SHISA9: variants seen among roughly 807,000 people sequenced by gnomAD.
SHISA9 encodes the protein protein shisa-9.
SHISA9 carries 13 observed loss-of-function variants against 38.0 expected under a neutral mutation model. The ratio of observed to expected loss-of-function variants is 0.34; its 90% CI spans 0.22 to 0.54. The LOEUF (loss-of-function observed/expected upper bound fraction) is 0.54. Among genes scored for constraint, SHISA9 ranks in the 20% least tolerant of loss-of-function variants. The probability of loss-of-function intolerance (pLI) is 0.91; values close to 1 mark genes in which losing one functional copy is unlikely to be tolerated. For synonymous variants in SHISA9, 275 were observed against 242.0 expected (o/e 1.14, Z -1.27); for missense variants, 538 against 575.8 (o/e 0.93, Z 0.67).
the SHISA9 span, among the ~76,000 whole-genome samples, chr16:13,549,174 A>G: frequency 5.8e-4 from 88 of 152,320 alleles, no homozygotes; most frequent in East Asian, 0.012. Flanking sequence ...CTGATCTCAT[A>G]TAAGTAGAAA....
At chr16:13,190,955 A>C (rs543951242) in intron 2 of SHISA9, among the ~76,000 whole-genome samples, 1 of 152,018 alleles carries the variant, frequency 6.6e-6, no homozygotes, top group Non-Finnish European at 1.5e-5. Flanking sequence ...TCTGCCACCA[A>C]GATTCAAAAA....
the SHISA9 span, among the ~76,000 whole-genome samples, chr16:13,407,013 A>G: frequency 3.7e-5 from 5 of 134,876 alleles, no homozygotes; most frequent in Non-Finnish European, 6.2e-5. Context: ...GGTTGCAGTG[A>G]GCTGAGATCG....
chr16:13,506,438 T>C, the SHISA9 span, among the ~76,000 whole-genome samples: 1 of 151,884 alleles, frequency 6.6e-6, no homozygotes, highest in African/African-American at 2.4e-5. Context: ...GCAGTAGAAA[T>C]TGAAGAAAAG....
At chr16:13,265,413 TC>T in the SHISA9 span, among the ~76,000 whole-genome samples, 1 of 66,552 alleles carries the variant, frequency 1.5e-5, no homozygotes, top group Non-Finnish European at 2.9e-5. Flanking sequence ...CTTTCTCTCC[TC>T]CCCCCTCCCC....
At chr16:13,511,069 C>T in the SHISA9 span, among the ~76,000 whole-genome samples, 1 of 152,202 alleles carries the variant, frequency 6.6e-6, no homozygotes, top group Admixed American at 6.5e-5. Flanking sequence ...AGCCATGTAT[C>T]TTGGCTAAAG....
At chr16:13,465,579 C>A in the SHISA9 span, among the ~76,000 whole-genome samples, 1 of 152,178 alleles carries the variant, frequency 6.6e-6, no homozygotes, top group African/African-American at 2.4e-5. Context: ...CAAATGGTAC[C>A]TGTTGTCTTG....
chr16:13,214,410 G>C (rs895988601), intron 4 of SHISA9, among the ~76,000 whole-genome samples: 5 of 151,928 alleles, frequency 3.3e-5, no homozygotes, highest in African/African-American at 9.7e-5. Flanking sequence ...GTTTCACCGT[G>C]TTGGCCAGGC....
intron 2 of SHISA9, among the ~76,000 whole-genome samples, chr16:13,022,242 C>T (rs181650755): frequency 6.6e-6 from 1 of 152,098 alleles, no homozygotes; most frequent in Non-Finnish European, 1.5e-5. Context: ...GCTTTGAATT[C>T]CTGGACTGAA....
At chr16:13,373,923 C>T in the SHISA9 span, among the ~76,000 whole-genome samples, 1 of 152,158 alleles carries the variant, frequency 6.6e-6, no homozygotes, top group African/African-American at 2.4e-5. Context: ...TCCCTGGAAG[C>T]AGATGCTGAG....
At chr16:13,458,107 A>G in the SHISA9 span, among the ~76,000 whole-genome samples, 1 of 152,196 alleles carries the variant, frequency 6.6e-6, no homozygotes, top group Admixed American at 6.5e-5. Context: ...ACCATATTGT[A>G]TACACCATGC....
chr16:13,231,127 C>G (rs1477962619), intron 4 of SHISA9, among the ~76,000 whole-genome samples: 3 of 152,182 alleles, frequency 2.0e-5, no homozygotes, highest in Non-Finnish European at 4.4e-5. Context: ...TGGGGTTGCT[C>G]TGGTTCACAT....
intron 2 of SHISA9, among the ~76,000 whole-genome samples, chr16:13,105,892 C>G (rs1276319820): frequency 6.6e-6 from 1 of 152,196 alleles, no homozygotes; most frequent in Non-Finnish European, 1.5e-5. Context: ...GATTTATTGG[C>G]ACTTGAAGTC....
intron 2 of SHISA9, among the ~76,000 whole-genome samples, chr16:12,964,195 G>A (rs1001307159): frequency 6.6e-6 from 1 of 152,202 alleles, no homozygotes; most frequent in African/African-American, 2.4e-5. Flanking sequence ...AGATACAGAT[G>A]GAGCTGATCT....
the SHISA9 span, among the ~76,000 whole-genome samples, chr16:13,530,510 T>TTATAGTGGCTGCTGTTGTTTC: frequency 6.6e-6 from 1 of 152,150 alleles, no homozygotes; most frequent in East Asian, 1.9e-4. Flanking sequence ...GCTGTTGCTT[T>TTATAGTGGCTGCTGTTGTTTC]TATAGTGGCT....
At chr16:13,248,048 G>A in the SHISA9 span, among the ~76,000 whole-genome samples, 2 of 152,164 alleles carry the variant, frequency 1.3e-5, no homozygotes, top group African/African-American at 4.8e-5. Flanking sequence ...GAATGTACTG[G>A]AATTCTACAA....
chr16:13,347,852 G>A, the SHISA9 span, among the ~76,000 whole-genome samples: 43 of 150,952 alleles, frequency 2.8e-4, no homozygotes, highest in Non-Finnish European at 4.1e-4. Context: ...CCCCCACAAA[G>A]ATGTCCACAT....
chr16:13,287,534 T>A, the SHISA9 span, among the ~76,000 whole-genome samples: 4 of 152,152 alleles, frequency 2.6e-5, no homozygotes, highest in African/African-American at 4.8e-5. Flanking sequence ...TTTGTGAACA[T>A]AATATGATTC....
the SHISA9 span, among the ~76,000 whole-genome samples, chr16:13,401,528 G>A: frequency 1.3e-5 from 2 of 152,222 alleles, no homozygotes; most frequent in African/African-American, 4.8e-5. Context: ...TGGTCTGTGA[G>A]GAAGTGATAA....
chr16:13,386,505 A>G, the SHISA9 span, among the ~76,000 whole-genome samples: 1 of 152,238 alleles, frequency 6.6e-6, no homozygotes, highest in Non-Finnish European at 1.5e-5. Context: ...TTCATAAAAC[A>G]GGATCCAATA....
Sources: gnomAD v4.1 joint callset for allele counts (sites outside exome capture counted in the v4.1 genomes callset) on GRCh38, gnomAD v4.1.1 for gene constraint, MANE v1.5 for transcripts, NCBI Gene and HGNC (gene_info 2026-07-23, HGNC 2026-07-21) for gene names.